Variants in LUZP2 observed in about 807,000 individuals in gnomAD.
LUZP2 encodes the protein leucine zipper protein 2.
In LUZP2, 52 loss-of-function variants were observed where a neutral mutation model predicts 51.6. The ratio of observed to expected loss-of-function variants is 1.01; its 90% confidence interval spans 0.81 to 1.27. The LOEUF is 1.27. LUZP2 is among the 50% of genes most tolerant of loss of function. The pLI, the probability that LUZP2 is intolerant of heterozygous loss-of-function variation, is 0.00. For synonymous variants in LUZP2, 154 were observed against 137.3 expected (o/e 1.12, Z -0.85); for missense variants, 436 against 395.4 (o/e 1.10, Z -0.87).
chr11:24,591,562 C>T (rs963140368), intron 1 of LUZP2, among the ~76,000 whole-genome samples: 1 of 152,150 alleles, frequency 6.6e-6, no homozygotes, highest in Non-Finnish European at 1.5e-5. Flanking sequence ...TTAGAGTCAA[C>T]TTTGCTCAAA....
At chr11:24,811,297 A>G (rs1161001097) in intron 5 of LUZP2, among the ~76,000 whole-genome samples, 1 of 152,104 alleles carries the variant, frequency 6.6e-6, no homozygotes, top group African/African-American at 2.4e-5. Context: ...CATATTCCAT[A>G]TCACTTTTAC....
intron 5 of LUZP2, among the ~76,000 whole-genome samples, chr11:24,889,040 C>G (rs1852763466): frequency 6.6e-6 from 1 of 152,174 alleles, no homozygotes; most frequent in Non-Finnish European, 1.5e-5. Flanking sequence ...TGAAAACACA[C>G]TAATACACCA....
intron 1 of LUZP2, among the ~76,000 whole-genome samples, chr11:24,697,684 G>A (rs1453625734): frequency 6.6e-6 from 1 of 152,150 alleles, no homozygotes; most frequent in East Asian, 1.9e-4. Flanking sequence ...AAATCTGAGA[G>A]GAGTCTGAAT....
At chr11:24,748,277 A>C (rs1481261989) in intron 4 of LUZP2, among the ~76,000 whole-genome samples, 1 of 152,046 alleles carries the variant, frequency 6.6e-6, no homozygotes, top group Non-Finnish European at 1.5e-5. Flanking sequence ...ACTCAGCTCC[A>C]GGTAAGGTTG....
In LUZP2 at chr11:24,814,428, A is replaced by G. The variant is rs145681691; in HGVS notation, c.396+51120A>G. Among the ~76,000 whole-genome samples the G allele has an allele frequency of 2.7e-3, 404 of 152,294 alleles. 2 individuals are homozygous for G. Among genetic ancestry groups the G allele is most frequent in the African/African-American group, 9.3e-3 (386 of 41,566 alleles). On this transcript the variant is annotated intron_variant, in intron 5 of 11. Transcript: ENST00000336930. ...GTCTTCATCTTTATTCCTAGAGACT[A>G]TGTATGTGGTCCTTGAGGGCTTTAT... is the stretch of plus-strand genomic sequence containing the variant.
chr11:24,896,331 G>C (rs1853049518), intron 5 of LUZP2, among the ~76,000 whole-genome samples: 1 of 152,124 alleles, frequency 6.6e-6, no homozygotes, highest in South Asian at 2.1e-4. Flanking sequence ...GCAATTGCGG[G>C]CCACAGTGAG....
At position 24,842,594 on chromosome 11, in the gene LUZP2, C is replaced by A. The variant is rs148072024; in HGVS notation, c.397-63397C>A. Among the ~76,000 whole-genome samples, 459 of 152,064 alleles carry A rather than the reference C, an allele frequency of 3.0e-3. 16 individuals are homozygous for A. Among genetic ancestry groups the A allele is most frequent in the Admixed American group, 0.028 (429 of 15,236 alleles). On this transcript the variant is annotated intron_variant, in intron 5 of 11. Coordinates refer to ENST00000336930, the MANE Select transcript of LUZP2 (RefSeq NM_001009909.4). The stretch of plus-strand genomic sequence containing the variant: ...CAAAATAAAATTGATAGCCTGCTGA[C>A]AATGTTCTCTGACCCTTAAGCTAGA...
rs368189959 is a variant in LUZP2 at position 24,626,596 on chromosome 11, A to G, written c.63-102573A>G. On this transcript the variant is annotated intron_variant, in intron 1 of 11. Transcript: ENST00000336930. ...GAGACCAGAAATCAATGAAACACAC[A>G]GACTTTGTAAATGACATAGCCAATT... Among the ~76,000 whole-genome samples, 4 of 152,208 alleles carry G rather than the reference A, an allele frequency of 2.6e-5. No homozygotes were observed. In the South Asian group the frequency reaches 8.3e-4, roughly 31 times the overall value.
At chr11:25,077,246 G>T in intron 10 of LUZP2, 83 bp from the exon 11 acceptor site, 1 of 1,007,764 alleles carries the variant, frequency 9.9e-7, no homozygotes, top group South Asian at 1.3e-5. Flanking sequence ...TCAACAGGAA[G>T]AATTCAAGAG....
chr11:24,619,447 A>G (rs961411997), intron 1 of LUZP2, among the ~76,000 whole-genome samples: 2 of 152,184 alleles, frequency 1.3e-5, no homozygotes, highest in Admixed American at 6.5e-5. Flanking sequence ...TAAAATACCT[A>G]TCCCAGTGCC....
At chr11:25,027,488 A>G (rs918636489) in intron 9 of LUZP2, among the ~76,000 whole-genome samples, 1 of 152,168 alleles carries the variant, frequency 6.6e-6, no homozygotes, top group African/African-American at 2.4e-5. Flanking sequence ...TTTAGTCTAT[A>G]TAAAATTTTA....
At chr11:24,842,754 T>C (rs1034880835) in intron 5 of LUZP2, among the ~76,000 whole-genome samples, 3 of 152,000 alleles carry the variant, frequency 2.0e-5, no homozygotes, top group Admixed American at 2.0e-4. Context: ...TAAGATTATA[T>C]GTAATGTTAT....
intron 1 of LUZP2, among the ~76,000 whole-genome samples, chr11:24,497,625 TAAAG>T (rs1849866884): frequency 6.6e-6 from 1 of 152,090 alleles, no homozygotes; most frequent in South Asian, 2.1e-4. Flanking sequence ...AAGAACAAAA[TAAAG>T]AACGGAAATA....
intron 9 of LUZP2, among the ~76,000 whole-genome samples, chr11:25,018,128 T>C (rs942700529): frequency 2.6e-5 from 4 of 151,964 alleles, no homozygotes; most frequent in African/African-American, 9.7e-5. Context: ...GTTGTTGGTA[T>C]ATGGCATTGC....
chr11:25,040,342 G>GGTTTTTTTTTTTT (rs1491549909), intron 9 of LUZP2, among the ~76,000 whole-genome samples: 1 of 34,028 alleles, frequency 2.9e-5, no homozygotes, highest in African/African-American at 3.4e-4. Flanking sequence ...CTTTCTTTCC[G>GGTTTTTTTTTTTT]ATTTTTTTTT....
rs746417453 is a variant in LUZP2 at position 25,068,792 on chromosome 11, C to T, written c.859-8537C>T. Among the ~76,000 whole-genome samples, 8 of 151,926 alleles carry T rather than the reference C, an allele frequency of 5.3e-5. No homozygotes were observed. In the East Asian group the frequency reaches 5.8e-4, roughly 11 times the overall value. On this transcript the variant is annotated intron_variant, in intron 10 of 11. Coordinates refer to ENST00000336930, the MANE Select transcript of LUZP2 (RefSeq NM_001009909.4). ...TTGAGCTACCTCAGAGTTCTTGAACCGTACCTACTCTAATCATCTCAGTAT... is the reference window on the plus strand; with the variant it reads ...TTGAGCTACCTCAGAGTTCTTGAACTGTACCTACTCTAATCATCTCAGTAT...
At chr11:24,608,632 C>T (rs984893417) in intron 1 of LUZP2, among the ~76,000 whole-genome samples, 1 of 152,040 alleles carries the variant, frequency 6.6e-6, no homozygotes, top group African/African-American at 2.4e-5. Flanking sequence ...TAAGTTTAGT[C>T]AAGGGGAAAT....
At chr11:24,931,334 C>T (rs189526841) in intron 7 of LUZP2, among the ~76,000 whole-genome samples, 13 of 152,008 alleles carry the variant, frequency 8.6e-5, no homozygotes, top group East Asian at 5.8e-4. Flanking sequence ...CTTTGAGCTC[C>T]GAAGTTCTTT....
At chr11:24,863,977 TA>T (rs200732732) in intron 5 of LUZP2, among the ~76,000 whole-genome samples, 746 of 147,380 alleles carry the variant, frequency 5.1e-3, no homozygotes, top group Middle Eastern at 0.014. Flanking sequence ...TTTTAAAGTA[TA>T]TTTTAGTGGA....
Sources: allele counts gnomAD v4.1 joint callset (sites outside exome capture counted in the v4.1 genomes callset), GRCh38; gene constraint gnomAD v4.1.1; transcripts MANE v1.5; gene names NCBI Gene and HGNC (gene_info 2026-07-23, HGNC 2026-07-21).